GABRB2: variants seen among roughly 807,000 people sequenced by gnomAD.
GABRB2 encodes gamma-aminobutyric acid type A receptor subunit beta2.
A neutral mutation model predicts 54.7 loss-of-function variants in GABRB2; 16 were observed. That is an observed-to-expected ratio of 0.29 (90% CI 0.20 to 0.44). The LOEUF is 0.44. Ranked by LOEUF, GABRB2 falls within the 20% of genes least tolerant of loss-of-function variation. The pLI, the probability that GABRB2 is intolerant of heterozygous loss-of-function variation, is 1.00. For synonymous variants in GABRB2, 244 were observed against 233.8 expected (o/e 1.04, Z -0.40); for missense variants, 355 against 644.0 (o/e 0.55, Z 4.86).
intron 9 of GABRB2, among the ~76,000 whole-genome samples, chr5:161,309,341 A>G (rs1580967350): frequency 6.6e-6 from 1 of 152,198 alleles, no homozygotes; most frequent in Non-Finnish European, 1.5e-5. Context: ...GGTTATTATT[A>G]AAAAGTCAAA....
chr5:161,444,686 A>G (rs1757564380), intron 4 of GABRB2, among the ~76,000 whole-genome samples: 1 of 152,146 alleles, frequency 6.6e-6, no homozygotes, highest in South Asian at 2.1e-4. Flanking sequence ...AATTGACATC[A>G]CCTGAAGCAC....
rs1245175662 is a variant in GABRB2 at position 161,289,930 on chromosome 5, T to C, written c.*4151A>G. Reference sequence around the variant, plus strand: ...GCTGGGGGCACTGCAGTAATAGTACTTAGTAAAAAATAAATAAAAATTAAG... The same window carrying C: ...GCTGGGGGCACTGCAGTAATAGTACCTAGTAAAAAATAAATAAAAATTAAG... On this transcript the variant is annotated 3_prime_UTR_variant, in exon 10 of 10. Transcript: ENST00000393959. 6.6e-6 allele frequency: 1 copy of C among 152,082 alleles called. No individual in the cohort carries two copies. The highest frequency in any genetic ancestry group is 1.5e-5 in the Non-Finnish European group (1 of 67,978). 9.4% of individuals were successfully genotyped at this position (152,082 alleles called of 1,614,324 possible).
intron 4 of GABRB2, among the ~76,000 whole-genome samples, chr5:161,423,140 T>C (rs767515652): frequency 1.1e-4 from 16 of 152,058 alleles, no homozygotes; most frequent in Non-Finnish European, 2.1e-4. Flanking sequence ...GTTGTTTTTG[T>C]GTGTGTGTGT....
chr5:161,401,860 T>C (rs1279566928), intron 5 of GABRB2, among the ~76,000 whole-genome samples: 3 of 152,120 alleles, frequency 2.0e-5, no homozygotes, highest in African/African-American at 7.2e-5. Context: ...TCTTATATAT[T>C]AGTGTATTCA....
At chr5:161,319,820 A>G (rs1024518942) in intron 9 of GABRB2, among the ~76,000 whole-genome samples, 1 of 151,680 alleles carries the variant, frequency 6.6e-6, no homozygotes, top group Non-Finnish European at 1.5e-5. Context: ...AGTGGGAGTT[A>G]TATTTTTCTG....
intron 5 of GABRB2, among the ~76,000 whole-genome samples, chr5:161,341,090 G>C (rs916806070): frequency 6.6e-6 from 1 of 151,954 alleles, no homozygotes; most frequent in Non-Finnish European, 1.5e-5. Context: ...AAAGAGCAAC[G>C]AGCTCCATGA....
At chr5:161,470,276 A>G (rs1758400526) in intron 3 of GABRB2, among the ~76,000 whole-genome samples, 1 of 151,790 alleles carries the variant, frequency 6.6e-6, no homozygotes, top group South Asian at 2.1e-4. Context: ...CCACAACTAA[A>G]CTACACAATA....
intron 3 of GABRB2, among the ~76,000 whole-genome samples, chr5:161,467,587 G>A (rs1465470414): frequency 2.6e-5 from 4 of 151,918 alleles, no homozygotes; most frequent in Admixed American, 2.6e-4. Context: ...TTAACTTTAG[G>A]CATTTTAGAA....
At chr5:161,495,721 G>C (rs1759219259) in intron 3 of GABRB2, among the ~76,000 whole-genome samples, 1 of 152,080 alleles carries the variant, frequency 6.6e-6, no homozygotes, top group Non-Finnish European at 1.5e-5. Flanking sequence ...CAGAGATAAA[G>C]TCAGGGGCAA....
intron 5 of GABRB2, among the ~76,000 whole-genome samples, chr5:161,341,424 A>C (rs2113416353): frequency 6.6e-6 from 1 of 152,060 alleles, no homozygotes; most frequent in Admixed American, 6.6e-5. Context: ...TGAGTCATTA[A>C]ATAATTTTGT....
intron 3 of GABRB2, among the ~76,000 whole-genome samples, chr5:161,519,787 G>A (rs1354917849): frequency 6.6e-6 from 1 of 152,050 alleles, no homozygotes; most frequent in Non-Finnish European, 1.5e-5. Flanking sequence ...AAATGATCAA[G>A]GTGAGGAAAG....
At chr5:161,346,354 G>T (rs1754318195) in intron 5 of GABRB2, among the ~76,000 whole-genome samples, 2 of 152,066 alleles carry the variant, frequency 1.3e-5, no homozygotes, top group Admixed American at 6.6e-5. Flanking sequence ...GGCGAAAAGT[G>T]GATATAGTCA....
chr5:161,354,828 T>TAC (rs1754568935), intron 5 of GABRB2, among the ~76,000 whole-genome samples: 1 of 152,102 alleles, frequency 6.6e-6, no homozygotes, highest in Admixed American at 6.6e-5. Flanking sequence ...CTTTTGTAAT[T>TAC]AAAAGTAATT....
intron 3 of GABRB2, among the ~76,000 whole-genome samples, chr5:161,525,172 G>T (rs1760238482): frequency 6.6e-6 from 1 of 151,084 alleles, no homozygotes; most frequent in African/African-American, 2.4e-5. Context: ...ATACAAGTGT[G>T]CCCTAATAAA....
At chr5:161,526,456 T>C (rs1407602255) in intron 3 of GABRB2, among the ~76,000 whole-genome samples, 1 of 151,174 alleles carries the variant, frequency 6.6e-6, no homozygotes, top group Admixed American at 6.6e-5. Flanking sequence ...GTAGATGCTC[T>C]TATTATGGAA....
In GABRB2 at chr5:161,459,659, G is replaced by C. The variant is rs147449850; in HGVS notation, c.423C>G (p.Arg141=). The change falls in exon 4 of 10, where the codon CGC becomes CGG. Residue 141 remains arginine (R), a synonymous_variant. Transcript: ENST00000393959. ...HGVTVKNRMI[R]LHPDGTVLYG... is the part of the protein sequence containing the mutation. ...AAAGGACGGTGCCATCAGGATGCAGGCGAATCATGCGGTTCTTAACAGTCA... is the reference window on the plus strand; with the variant it reads ...AAAGGACGGTGCCATCAGGATGCAGCCGAATCATGCGGTTCTTAACAGTCA... The C allele has an allele frequency of 1.9e-4, 308 of 1,614,140 alleles. No individual in the cohort carries two copies. The African/African-American group carries it at 3.7e-3, about 19-fold the overall frequency.
chr5:161,456,364 C>G (rs1017483767), intron 4 of GABRB2, among the ~76,000 whole-genome samples: 8 of 152,214 alleles, frequency 5.3e-5, no homozygotes, highest in African/African-American at 1.9e-4. Flanking sequence ...TCATAGAAGA[C>G]TCAGGCAGGT....
chr5:161,502,757 G>A (rs943921921), intron 3 of GABRB2, among the ~76,000 whole-genome samples: 5 of 152,172 alleles, frequency 3.3e-5, no homozygotes, highest in Non-Finnish European at 1.5e-5. Flanking sequence ...AAAAGATTAA[G>A]ATTTGGAGGC....
intron 5 of GABRB2, 68 bp downstream of exon 5, chr5:161,410,907 G>A (rs1756497777): frequency 8.3e-7 from 1 of 1,211,892 alleles, no homozygotes; most frequent in East Asian, 2.3e-5. Context: ...CATGAGCCAG[G>A]ACTGGAGGCC....
Sources: gnomAD v4.1 joint callset for allele counts (sites outside exome capture counted in the v4.1 genomes callset) on GRCh38, gnomAD v4.1.1 for gene constraint, MANE v1.5 for transcripts, NCBI Gene and HGNC (gene_info 2026-07-23, HGNC 2026-07-21) for gene names.